Variants in KHDRBS2 observed in about 807,000 individuals in gnomAD.
KHDRBS2 encodes the protein KH domain-containing, RNA-binding, signal transduction-associated protein 2.
A neutral mutation model predicts 44.3 loss-of-function variants in KHDRBS2; 26 were observed. The ratio of observed to expected loss-of-function variants is 0.59; its 90% CI spans 0.43 to 0.81. The LOEUF is 0.81. Among genes scored for constraint, KHDRBS2 ranks in the 40% least tolerant of loss-of-function variants. KHDRBS2 has a pLI of 0.00. For synonymous variants in KHDRBS2, 194 were observed against 151.1 expected (o/e 1.28, Z -2.08); for missense variants, 476 against 433.1 (o/e 1.10, Z -0.88).
chr6:62,030,368 C>T (rs1315658971), intron 3 of KHDRBS2, among the ~76,000 whole-genome samples: 4 of 151,976 alleles, frequency 2.6e-5, no homozygotes, highest in Admixed American at 6.6e-5. Context: ...GAAAATGCCA[C>T]AGCTAATTAC....
intron 1 of KHDRBS2, among the ~76,000 whole-genome samples, chr6:62,265,434 G>C (rs1264159874): frequency 6.6e-6 from 1 of 151,954 alleles, no homozygotes; most frequent in East Asian, 1.9e-4. Context: ...GTATGTGTAT[G>C]TGTATGTGTG....
chr6:61,845,402 C>T (rs1200782938), intron 6 of KHDRBS2, among the ~76,000 whole-genome samples: 1 of 151,696 alleles, frequency 6.6e-6, no homozygotes, highest in Non-Finnish European at 1.5e-5. Flanking sequence ...CTCCGCCTCC[C>T]GGGTTCGAGC....
chr6:61,977,251 C>A (rs142706354), intron 4 of KHDRBS2, among the ~76,000 whole-genome samples: 1 of 152,114 alleles, frequency 6.6e-6, no homozygotes, highest in Non-Finnish European at 1.5e-5. Flanking sequence ...CTCTGCCAGA[C>A]GCTCCAGAAA....
chr6:61,865,206 G>T (rs144872406), intron 6 of KHDRBS2, among the ~76,000 whole-genome samples: 2 of 152,206 alleles, frequency 1.3e-5, no homozygotes, highest in Admixed American at 6.5e-5. Context: ...CTTGTATTGG[G>T]TTACAAGGTG....
At chr6:62,006,451 G>T (rs1779246174) in intron 3 of KHDRBS2, among the ~76,000 whole-genome samples, 1 of 151,896 alleles carries the variant, frequency 6.6e-6, no homozygotes, top group African/African-American at 2.4e-5. Flanking sequence ...TAAAAATGAA[G>T]GTCAGAGCTG....
the KHDRBS2 span, among the ~76,000 whole-genome samples, chr6:61,604,726 G>A: frequency 6.6e-6 from 1 of 152,138 alleles, no homozygotes; most frequent in African/African-American, 2.4e-5. Context: ...CCCAGGGCTG[G>A]CAAATTGACT....
chr6:61,930,175 G>C (rs1445992954), intron 4 of KHDRBS2, among the ~76,000 whole-genome samples: 3 of 152,072 alleles, frequency 2.0e-5, no homozygotes, highest in Non-Finnish European at 4.4e-5. Flanking sequence ...TGGAAGCAGA[G>C]AGCTGACTCT....
chr6:61,941,119 C>T (rs555931567), intron 4 of KHDRBS2, among the ~76,000 whole-genome samples: 1 of 152,292 alleles, frequency 6.6e-6, no homozygotes, highest in Non-Finnish European at 1.5e-5. Context: ...TAGCCCTGTG[C>T]CAGGGCATGC....
the KHDRBS2 span, among the ~76,000 whole-genome samples, chr6:61,590,382 C>G: frequency 6.6e-6 from 1 of 152,108 alleles, no homozygotes; most frequent in Non-Finnish European, 1.5e-5. Context: ...CCCAAGAGAC[C>G]ATCAAGGTGA....
Position 61,978,217 on chromosome 6 carries a change from G to GA in KHDRBS2, c.337-6dup, listed in dbSNP as rs1269840527. 6.3e-7 allele frequency: 1 copy of GA among 1,596,858 alleles called. No individual in the cohort carries two copies. The highest frequency in any genetic ancestry group is 1.8e-5 in the Admixed American group (1 of 56,404). On this transcript the variant is annotated splice_region_variant and splice_polypyrimidine_tract_variant and intron_variant, in intron 3 of 8. Coordinates refer to ENST00000281156, the MANE Select transcript of KHDRBS2 (RefSeq NM_152688.4). ...ACTCTTCCTTAGTTCTTCTTCCTGT[G>GA]AAAAAGGTTATTTTTAGAAATACAA...
intron 6 of KHDRBS2, among the ~76,000 whole-genome samples, chr6:61,881,126 C>A (rs930572973): frequency 1.3e-5 from 2 of 151,892 alleles, no homozygotes; most frequent in African/African-American, 4.8e-5. Flanking sequence ...ATCATGCTCT[C>A]AGCTTACTCC....
At chr6:62,176,833 C>T (rs1821193105) in intron 2 of KHDRBS2, among the ~76,000 whole-genome samples, 1 of 151,232 alleles carries the variant, frequency 6.6e-6, no homozygotes, top group African/African-American at 2.4e-5. Context: ...GTATTATTAA[C>T]TCTACTCCGT....
chr6:61,625,283 T>C, the KHDRBS2 span, among the ~76,000 whole-genome samples: 1 of 151,086 alleles, frequency 6.6e-6, no homozygotes, highest in Non-Finnish European at 1.5e-5. Context: ...TTTGTCTTCC[T>C]AACTTTCCTC....
chr6:61,548,169 G>C, the KHDRBS2 span, among the ~76,000 whole-genome samples: 1 of 152,036 alleles, frequency 6.6e-6, no homozygotes, highest in East Asian at 1.9e-4. Context: ...AAAATACATA[G>C]AAATATTTCA....
rs1299047320 is a variant in KHDRBS2 at position 62,175,311 on chromosome 6, T to C, written c.219+1874A>G. ...AAGAAATGGTAAATTTTCTCAAGCA[T>C]GAATTGTTATTTGAGACTATCCCAT... On this transcript the variant is annotated intron_variant, in intron 2 of 8. Transcript: ENST00000281156. Among the ~76,000 whole-genome samples, 9 of 151,614 alleles carry C rather than the reference T, an allele frequency of 5.9e-5. No homozygotes were observed. The South Asian group carries it at 1.2e-3, about 21-fold the overall frequency.
intron 6 of KHDRBS2, among the ~76,000 whole-genome samples, chr6:61,891,599 A>T (rs1398505052): frequency 6.6e-6 from 1 of 152,106 alleles, no homozygotes. Context: ...GTTCAACATA[A>T]GCAAATCAAT....
At chr6:61,780,843 T>G (rs1030324006) in intron 6 of KHDRBS2, among the ~76,000 whole-genome samples, 14 of 152,214 alleles carry the variant, frequency 9.2e-5, no homozygotes, top group African/African-American at 3.4e-4. Context: ...CATCAGGGTG[T>G]CTGCCCTTGT....
intron 6 of KHDRBS2, among the ~76,000 whole-genome samples, chr6:61,820,955 A>G (rs1451011069): frequency 6.6e-6 from 1 of 151,908 alleles, no homozygotes; most frequent in African/African-American, 2.4e-5. Context: ...CATCTACTCT[A>G]ATGGGGCTGA....
At chr6:61,637,530 G>A in the KHDRBS2 span, among the ~76,000 whole-genome samples, 2 of 152,030 alleles carry the variant, frequency 1.3e-5, no homozygotes, top group African/African-American at 4.8e-5. Flanking sequence ...ATGATTTATA[G>A]TCCTTTGGGT....
Sources: gnomAD v4.1 joint callset for allele counts (sites outside exome capture counted in the v4.1 genomes callset) on GRCh38, gnomAD v4.1.1 for gene constraint, MANE v1.5 for transcripts, NCBI Gene and HGNC (gene_info 2026-07-23, HGNC 2026-07-21) for gene names.